The following FAM168A variants were observed in gnomAD, a reference collection of about 807,000 sequenced individuals.
FAM168A encodes protein FAM168A.
A neutral mutation model predicts 28.5 loss-of-function variants in FAM168A; 3 were observed. That is an observed-to-expected ratio of 0.11 (90% confidence interval 0.05 to 0.27). The LOEUF is 0.27. FAM168A is among the 10% of genes least tolerant of loss of function. FAM168A has a pLI of 1.00. For synonymous variants in FAM168A, 122 were observed against 124.2 expected, an observed-to-expected ratio of 0.98 and a Z score of 0.12; for missense variants, 222 against 311.5, an observed-to-expected ratio of 0.71 and a Z score of 2.16.
At chr11:73,426,043 T>C (rs146725365) in intron 3 of FAM168A, among the ~76,000 whole-genome samples, 1 of 152,334 alleles carries the variant, frequency 6.6e-6, no homozygotes, top group Non-Finnish European at 1.5e-5. Context: ...GTTTGTTGTA[T>C]GTAAAATGGG....
intron 2 of FAM168A, among the ~76,000 whole-genome samples, chr11:73,458,329 C>T (rs1231545193): frequency 2.0e-5 from 3 of 152,202 alleles, no homozygotes; most frequent in Non-Finnish European, 4.4e-5. Flanking sequence ...GAAAGTAAAT[C>T]AGTCACAAGC....
intron 1 of FAM168A, chr11:73,510,709 G>A (rs781235766): frequency 1.1e-4 from 39 of 367,400 alleles, no homozygotes; most frequent in African/African-American, 4.8e-4. Flanking sequence ...TTATTACTCC[G>A]GAAAAAAAGA....
In FAM168A at chr11:73,545,709, A is replaced by C. The variant is rs1485918562; in HGVS notation, c.-19+52214T>G. ...TTTTTTTTTTTTTTTTTTTTTTTGG[A>C]GACAGAGTCTTGCTCTGTCACCCAG... On this transcript the variant is annotated intron_variant, in intron 1 of 7. Transcript: ENST00000356467. 3.7e-5 allele frequency among the ~76,000 whole-genome samples: 3 copies of C among 81,630 alleles called. No homozygotes were observed. The South Asian group carries it at 1.0e-3, about 28-fold the overall frequency. 53.6% of individuals were successfully genotyped at this position (81,630 alleles called of 152,430 possible). A position where few individuals can be genotyped will look rare whatever the true frequency, so the allele number is the denominator to read the frequency against.
intron 1 of FAM168A, among the ~76,000 whole-genome samples, chr11:73,518,757 C>T (rs1943336357): frequency 6.6e-6 from 1 of 151,980 alleles, no homozygotes; most frequent in African/African-American, 2.4e-5. Context: ...ATTAGCTGGG[C>T]GTGGTCGTGC....
rs12293311 is a variant in FAM168A, at chr11:73,419,014, G to A, written c.277+860C>T. On this transcript the variant is annotated intron_variant, in intron 4 of 7. Coordinates refer to ENST00000356467, the MANE Select transcript of FAM168A (RefSeq NM_015159.3). ...TTTAGTGGAGACAGGGTTTCACCGT[G>A]TTAGCCAGGATGGTCTCAATCTCCT... Among the ~76,000 whole-genome samples the A allele has an allele frequency of 1.2e-3, 188 of 152,174 alleles. 1 individual carries two copies. Among genetic ancestry groups the A allele is most frequent in the African/African-American group, 3.9e-3 (162 of 41,492 alleles).
intron 5 of FAM168A, among the ~76,000 whole-genome samples, chr11:73,410,077 G>GT (rs1394400441): frequency 1.3e-5 from 2 of 151,782 alleles, no homozygotes; most frequent in Non-Finnish European, 2.9e-5. Flanking sequence ...TCATAATGGT[G>GT]TAAGTGCATG....
intron 1 of FAM168A, among the ~76,000 whole-genome samples, chr11:73,537,810 A>G (rs1453380738): frequency 6.6e-6 from 1 of 152,198 alleles, no homozygotes; most frequent in Non-Finnish European, 1.5e-5. Context: ...ATCTGCCCCA[A>G]GCCTTCACTT....
chr11:73,431,259 T>C (rs1318641063), intron 2 of FAM168A, among the ~76,000 whole-genome samples: 1 of 152,100 alleles, frequency 6.6e-6, no homozygotes, highest in African/African-American at 2.4e-5. Flanking sequence ...GGAAAGTCAC[T>C]TGAACTCGGG....
At chr11:73,496,746 G>A (rs915900017) in intron 1 of FAM168A, among the ~76,000 whole-genome samples, 5 of 152,090 alleles carry the variant, frequency 3.3e-5, no homozygotes, top group African/African-American at 1.2e-4. Context: ...ATTTTTAGTA[G>A]AGACGGGGTT....
At chr11:73,512,568 T>C (rs1274533414) in intron 1 of FAM168A, among the ~76,000 whole-genome samples, 1 of 151,784 alleles carries the variant, frequency 6.6e-6, no homozygotes, top group African/African-American at 2.4e-5. Context: ...TTTTACAATA[T>C]ATGAATTATA....
At position 73,419,935 on chromosome 11, in the gene FAM168A, G is replaced by A; in HGVS notation, c.216C>T (p.Phe72=). 1.2e-6 allele frequency: 2 copies of A among 1,614,066 alleles called. No homozygotes were observed. The change falls in exon 4 of 8, where the codon TTC becomes TTT. Residue 72 remains phenylalanine, a synonymous_variant. Transcript: ENST00000356467. The part of the protein sequence containing the change: ...NSSSCGTEGT[F]HLPVDTGTEN... ...CGGTCCCGGTGTCCACTGGGAGGTG[G>A]AAGGTGCCTTCAGTGCCACAGGAAG...
At chr11:73,554,704 C>G (rs1943869509) in intron 1 of FAM168A, among the ~76,000 whole-genome samples, 1 of 152,070 alleles carries the variant, frequency 6.6e-6, no homozygotes, top group Admixed American at 6.6e-5. Flanking sequence ...TATTTTTACA[C>G]AAAAAGATTA....
At chr11:73,407,839 T>G (rs908205040) in intron 6 of FAM168A, among the ~76,000 whole-genome samples, 196 bp from the exon 7 acceptor site, 1 of 152,250 alleles carries the variant, frequency 6.6e-6, no homozygotes. Context: ...TTTCTGATGC[T>G]TGAGGACAGA....
intron 1 of FAM168A, among the ~76,000 whole-genome samples, chr11:73,507,558 T>C (rs1385209632): frequency 2.0e-5 from 3 of 152,114 alleles, no homozygotes; most frequent in African/African-American, 7.2e-5. Context: ...TGAAATAATC[T>C]GTACAACAAA....
At chr11:73,513,291 G>T (rs1855265621) in intron 1 of FAM168A, among the ~76,000 whole-genome samples, 1 of 142,982 alleles carries the variant, frequency 7.0e-6, no homozygotes, top group Non-Finnish European at 1.5e-5. Context: ...CTCACTGCAA[G>T]CTCTGCCTCC....
At chr11:73,477,581 CA>C (rs1233321840) in intron 1 of FAM168A, among the ~76,000 whole-genome samples, 11 of 151,914 alleles carry the variant, frequency 7.2e-5, no homozygotes, top group Admixed American at 6.6e-5. Flanking sequence ...GAGAAAATTT[CA>C]AAAGTGGCAA....
At chr11:73,585,750 C>T (rs555286221) in intron 1 of FAM168A, among the ~76,000 whole-genome samples, 5 of 151,764 alleles carry the variant, frequency 3.3e-5, no homozygotes, top group African/African-American at 1.2e-4. Flanking sequence ...CGCCCGTAAA[C>T]CCAGCTACTC....
chr11:73,547,085 G>GAAAA (rs953416694), intron 1 of FAM168A, among the ~76,000 whole-genome samples: 6 of 52,680 alleles, frequency 1.1e-4, no homozygotes, highest in African/African-American at 1.8e-4. Flanking sequence ...AGAAGTTCAA[G>GAAAA]AAAAAAAAAA....
intron 3 of FAM168A, among the ~76,000 whole-genome samples, chr11:73,424,400 C>G (rs1348458882): frequency 6.6e-6 from 1 of 152,058 alleles, no homozygotes; most frequent in African/African-American, 2.4e-5. Flanking sequence ...CTGTTGGGAC[C>G]CTCACAGGTG....
Sources: gnomAD v4.1 joint callset for allele counts (sites outside exome capture counted in the v4.1 genomes callset) on GRCh38, gnomAD v4.1.1 for gene constraint, MANE v1.5 for transcripts, NCBI Gene and HGNC (gene_info 2026-07-23, HGNC 2026-07-21) for gene names.